Variants in CELSR2 observed in about 807,000 individuals in gnomAD.
CELSR2 encodes EGF-like protein 2.
In CELSR2, 81 loss-of-function variants were observed where a neutral mutation model predicts 251.6. The observed-to-expected ratio is 0.32, with a 90% CI of 0.27 to 0.39. The LOEUF is 0.39. Among genes scored for constraint, CELSR2 ranks in the 10% least tolerant of loss-of-function variants. CELSR2 has a pLI of 1.00. For missense variants in CELSR2, 3,365 were observed against 3,947.7 expected (o/e 0.85, Z 3.96); for synonymous variants, 1,721 against 1,670.5 (o/e 1.03, Z -0.74).
Position 109,268,758 on chromosome 1 carries a change from A to C in CELSR2, c.6496A>C (p.Asn2166His), listed in dbSNP as rs764529081. Residue 2166 changes from asparagine to histidine, a missense_variant, in exon 18 of 34, where the codon AAC becomes CAC. Coordinates refer to ENST00000271332, the MANE Select transcript of CELSR2 (RefSeq NM_001408.3). Reference protein sequence around the residue: ...YLSPFTIVTPNIVISVVRLDK... With the variant: ...YLSPFTIVTPHIVISVVRLDK... Reference sequence around the variant, plus strand: ...AAGCCCCTTCACCATCGTCACGCCCAACATTGGTAAGGCTGGTGCCTGGGT... The same window carrying C: ...AAGCCCCTTCACCATCGTCACGCCCCACATTGGTAAGGCTGGTGCCTGGGT... The C allele has an allele frequency of 6.3e-7, 1 of 1,599,556 alleles. No individual in the cohort carries two copies. The highest frequency in any genetic ancestry group is 8.6e-7 in the Non-Finnish European group (1 of 1,168,866).
Position 109,252,475 on chromosome 1 carries a change from C to T in CELSR2, c.2396C>T (p.Thr799Ile). 1 of 1,613,884 alleles carries T rather than the reference C, an allele frequency of 6.2e-7. No homozygotes were observed. Among genetic ancestry groups the T allele is most frequent in the Non-Finnish European group, 8.5e-7 (1 of 1,180,038 alleles). ...GGCATTCCCCAGAAGTCCGACACCA[C>T]CTACCTGGAGATCCTGGTGAACGAC... ...DNGIPQKSDT[T>I]YLEILVNDVN... is the part of the protein sequence containing the mutation. The change falls in exon 1 of 34, where the codon ACC (threonine) becomes ATC (isoleucine). Residue 799 changes from threonine (T) to isoleucine (I), a missense_variant. This residue lies in a region of CELSR2 where 505 missense variants were observed against 660.0 expected (regional missense o/e 0.77). Coordinates refer to ENST00000271332, the MANE Select transcript of CELSR2 (RefSeq NM_001408.3). The surrounding 1 kb of genome is among the most constrained non-coding windows in gnomAD (Gnocchi z 4.8).
chr1:109,269,305 G>T lies in CELSR2; in HGVS notation c.6812+15G>T. ...CGCAGCTTGAGGTCAGCAGCTAGGG[G>T]ACAGGTGTGGGTAGGGGTATGGGTC... On this transcript the variant is annotated intron_variant, in intron 20 of 33. Coordinates refer to ENST00000271332, the MANE Select transcript of CELSR2 (RefSeq NM_001408.3). The surrounding 1 kb of genome is among the most constrained non-coding windows in gnomAD (Gnocchi z 6.4). 1 of 1,612,892 alleles carries T rather than the reference G, an allele frequency of 6.2e-7. No individual in the cohort carries two copies. Among genetic ancestry groups the T allele is most frequent in the Non-Finnish European group, 8.5e-7 (1 of 1,179,876 alleles).
rs1432681501 is a variant in CELSR2 at position 109,263,242 on chromosome 1, C to G, written c.4809C>G (p.Gly1603=). The G allele has an allele frequency of 6.3e-7, 1 of 1,585,610 alleles. No individual in the cohort carries two copies. The highest frequency in any genetic ancestry group is 1.7e-4 in the Middle Eastern group (1 of 5,964). Residue 1603 remains glycine, a synonymous_variant, in exon 8 of 34, where the codon GGC becomes GGG. Coordinates refer to ENST00000271332, the MANE Select transcript of CELSR2 (RefSeq NM_001408.3). ...CGTTCAGCTGCGAGTGCCCCCTGGG[C>G]TTTGGGGGCAAGAGCTGCGCCCAGG... ...WDAFSCECPL[G]FGGKSCAQEM...
chr1:109,253,819 C>T (rs917096292), intron 1 of CELSR2, among the ~76,000 whole-genome samples: 12 of 152,260 alleles, frequency 7.9e-5, no homozygotes, highest in African/African-American at 2.9e-4. Context: ...TTCCTGCAGT[C>T]TCACACAGCC....
chr1:109,265,581 C>T (rs1201115963), intron 13 of CELSR2, among the ~76,000 whole-genome samples, 154 bp from the exon 14 acceptor site: 3 of 152,204 alleles, frequency 2.0e-5, no homozygotes, highest in Admixed American at 2.0e-4. Context: ...ATGGGCTCAA[C>T]TCCAAAGCAT....
At chr1:109,257,968 C>T (rs1359376582) in intron 1 of CELSR2, among the ~76,000 whole-genome samples, 1 of 152,056 alleles carries the variant, frequency 6.6e-6, no homozygotes, top group Non-Finnish European at 1.5e-5. Flanking sequence ...CTCCCCCCCA[C>T]CCCCGCCAAC....
Position 109,250,642 on chromosome 1 carries a change from C to T in CELSR2, c.563C>T (p.Ala188Val). The change falls in exon 1 of 34, where the codon GCC becomes GTC. Residue 188 changes from alanine to valine, a missense_variant. By Grantham distance (64) the Ala-to-Val change is moderately conservative (BLOSUM62 0). Transcript: ENST00000271332. This position sits in a 1 kb window ranked among gnomAD's most constrained non-coding sequence, Gnocchi z 4.4. The part of the protein sequence containing the change: ...APQFQPPSYQ[A>V]TVPENQPAGT... ...CAGTTCCAGCCCCCCAGCTACCAGG[C>T]CACAGTGCCGGAGAACCAGCCAGCA... is the stretch of plus-strand genomic sequence containing the variant. 6.2e-7 allele frequency: 1 copy of T among 1,614,042 alleles called. No individual in the cohort carries two copies. The highest frequency in any genetic ancestry group is 8.5e-7 in the Non-Finnish European group (1 of 1,180,000).
Position 109,261,497 on chromosome 1 carries a change from C to T in CELSR2, c.4182-16C>T. ...GGGTACCCCATTCCCTGCCCCCATC[C>T]CCAACTCCTGTTCAGGTTTGCCACA... On this transcript the variant is annotated splice_polypyrimidine_tract_variant and intron_variant, in intron 3 of 33. Coordinates refer to ENST00000271332, the MANE Select transcript of CELSR2 (RefSeq NM_001408.3). The surrounding 1 kb of genome is among the most constrained non-coding windows in gnomAD (Gnocchi z 4.8). 1.2e-6 allele frequency: 2 copies of T among 1,611,398 alleles called. 1 individual carries two copies. Among genetic ancestry groups the T allele is most frequent in the South Asian group, 2.2e-5 (2 of 91,032 alleles).
At chr1:109,264,035 T>A (rs1364540935) in intron 9 of CELSR2, 43 bp from the exon 10 acceptor site, 2 of 1,537,974 alleles carry the variant, frequency 1.3e-6, no homozygotes, top group South Asian at 1.2e-5. Context: ...GAACAGTGAT[T>A]AAGGCCGTCT....
At position 109,274,241 on chromosome 1, in the gene CELSR2, T is replaced by C. The variant is rs1051937250; in HGVS notation, c.*192T>C. The C allele has an allele frequency of 1.1e-5, 14 of 1,321,750 alleles. No individual in the cohort carries two copies. Among genetic ancestry groups the C allele is most frequent in the South Asian group, 7.9e-5 (5 of 63,592 alleles). 81.9% of individuals were successfully genotyped at this position (1,321,750 alleles called of 1,614,324 possible). On this transcript the variant is annotated 3_prime_UTR_variant, in exon 34 of 34. Transcript: ENST00000271332. ...CCACCTAAGGCCATCTAGTGCCAAC[T>C]CCCCCCCCACCATTCCCCTCACTGC...
At position 109,274,244 on chromosome 1, in the gene CELSR2, C is replaced by CA; in HGVS notation, c.*195_*196insA. ...CCTAAGGCCATCTAGTGCCAACTCC[C>CA]CCCCCACCATTCCCCTCACTGCACT... On this transcript the variant is annotated 3_prime_UTR_variant, in exon 34 of 34. Transcript: ENST00000271332. The CA allele has an allele frequency of 6.6e-6, 9 of 1,369,190 alleles. No homozygotes were observed. The highest frequency in any genetic ancestry group is 8.7e-6 in the Non-Finnish European group (9 of 1,031,604). 84.8% of individuals were successfully genotyped at this position (1,369,190 alleles called of 1,614,324 possible).
rs761484923 is a variant in CELSR2 at position 109,250,075 on chromosome 1, G to C, written c.-5G>C. On this transcript the variant is annotated 5_prime_UTR_variant, in exon 1 of 34. Transcript: ENST00000271332. The surrounding 1 kb of genome is among the most constrained non-coding windows in gnomAD (Gnocchi z 4.4). ...GACCCGGCCGCCGGCCGGGAGCTGG[G>C]AGAGATGCGGAGCCCGGCCACCGGC... 1.7e-4 allele frequency: 240 copies of C among 1,448,380 alleles called. No homozygotes were observed. Among genetic ancestry groups the C allele is most frequent in the Non-Finnish European group, 2.1e-4 (228 of 1,108,800 alleles). The allele number at this position is 1,448,380 out of a possible 1,614,324, so 89.7% of individuals were successfully genotyped here. A position where few individuals can be genotyped will look rare whatever the true frequency, so the allele number is the denominator to read the frequency against.
chr1:109,267,523 G>C (rs367550489), intron 15 of CELSR2, 25 bp from the exon 16 acceptor site: 1 of 1,608,050 alleles, frequency 6.2e-7, no homozygotes, highest in Non-Finnish European at 8.5e-7. Flanking sequence ...CCCTGAGGCC[G>C]GCCCTTTTGG....
At position 109,251,690 on chromosome 1, in the gene CELSR2, T is replaced by C. The variant is rs1655695009; in HGVS notation, c.1611T>C (p.Asn537=). ...CTATCGACGCTGATGCTGGTGACAA[T>C]GCCCGCCTGGAATACCGCCTTGCTG... ...VQAIDADAGD[N]ARLEYRLAGV... Residue 537 remains asparagine (N), a synonymous_variant, in exon 1 of 34, where the codon AAT becomes AAC. Coordinates refer to ENST00000271332, the MANE Select transcript of CELSR2 (RefSeq NM_001408.3). The surrounding 1 kb of genome is among the most constrained non-coding windows in gnomAD (Gnocchi z 4.9). 1 of 1,613,936 alleles carries C rather than the reference T, an allele frequency of 6.2e-7. No homozygotes were observed. Among genetic ancestry groups the C allele is most frequent in the African/African-American group, 1.3e-5 (1 of 74,882 alleles).
chr1:109,252,149 C>A lies in CELSR2; in HGVS notation c.2070C>A (p.Gly690=), dbSNP rs377305524. 1 of 1,614,046 alleles carries A rather than the reference C, an allele frequency of 6.2e-7. No homozygotes were observed. The highest frequency in any genetic ancestry group is 2.2e-5 in the East Asian group (1 of 44,886). ...TGTTGGCTGTTACCGCCTCCGATGG[C>A]ACTCGGCAGGACACGGCACAGATTG... The part of the protein sequence containing the change: ...QYVLAVTASD[G]TRQDTAQIVV... Residue 690 remains glycine, a synonymous_variant, in exon 1 of 34, where the codon GGC becomes GGA. Transcript: ENST00000271332. This position sits in a 1 kb window ranked among gnomAD's most constrained non-coding sequence, Gnocchi z 4.8.
chr1:109,252,694 T>C lies in CELSR2; in HGVS notation c.2615T>C (p.Ile872Thr). The C allele has an allele frequency of 6.2e-7, 1 of 1,614,000 alleles. No individual in the cohort carries two copies. The highest frequency in any genetic ancestry group is 2.2e-5 in the East Asian group (1 of 44,888). Residue 872 changes from isoleucine (I) to threonine (T), a missense_variant, in exon 1 of 34, where the codon ATC (isoleucine) becomes ACC (threonine). Physicochemically the swap from Ile to Thr is moderately conservative, Grantham distance 89. Transcript: ENST00000271332. The surrounding 1 kb of genome is among the most constrained non-coding windows in gnomAD (Gnocchi z 4.8). ...TTTATTGTTGAGTCCACGTCAGGCA[T>C]CGTGCGAACGCTACGGAGGCTGGAT... ...GDFIVESTSG[I>T]VRTLRRLDRE... is the part of the protein sequence containing the mutation.
rs1047956409 is a variant in CELSR2, at chr1:109,269,498, G to A, written c.6887G>A (p.Arg2296Gln). The A allele has an allele frequency of 5.7e-5, 92 of 1,613,928 alleles. No homozygotes were observed. The highest frequency in any genetic ancestry group is 8.0e-5 in the African/African-American group (6 of 74,904). The change falls in exon 21 of 34, where the codon CGG (arginine) becomes CAG (glutamine). Residue 2296 changes from arginine (R) to glutamine (Q), a missense_variant. This residue lies in a region of CELSR2 where 2,093 missense variants were observed against 2,382.8 expected (regional missense o/e 0.88). Coordinates refer to ENST00000271332, the MANE Select transcript of CELSR2 (RefSeq NM_001408.3). This position sits in a 1 kb window ranked among gnomAD's most constrained non-coding sequence, Gnocchi z 6.4. ...SVHDDEELLP[R>Q]ALDKPVTVQF... is the part of the protein sequence containing the mutation. ...CATGATGATGAGGAGCTTCTGCCCCGGGCCCTGGACAAACCCGTCACGGTG... is the reference window on the plus strand; with the variant it reads ...CATGATGATGAGGAGCTTCTGCCCCAGGCCCTGGACAAACCCGTCACGGTG...
In CELSR2 at chr1:109,271,672, C is replaced by T. The variant is rs201869358; in HGVS notation, c.7876C>T (p.Arg2626Cys). The T allele has an allele frequency of 1.2e-4, 190 of 1,614,022 alleles. 1 individual carries two copies. The East Asian group carries it at 2.7e-3, about 23-fold the overall frequency. Residue 2626 changes from arginine to cysteine, a missense_variant, in exon 28 of 34, where the codon CGC becomes TGC. Coordinates refer to ENST00000271332, the MANE Select transcript of CELSR2 (RefSeq NM_001408.3). Reference sequence around the variant, plus strand: ...GAAAGCACTCAAGCTTGCCTGCAGCCGCAAGCCCAGCCCTGACCCTGCTCT... The same window carrying T: ...GAAAGCACTCAAGCTTGCCTGCAGCTGCAAGCCCAGCCCTGACCCTGCTCT... ...VRKALKLACS[R>C]KPSPDPALTT...
chr1:109,273,453 T>G lies in CELSR2; in HGVS notation c.8527T>G (p.Cys2843Gly). The G allele has an allele frequency of 6.2e-7, 1 of 1,612,098 alleles. No individual in the cohort carries two copies. The highest frequency in any genetic ancestry group is 8.5e-7 in the Non-Finnish European group (1 of 1,179,368). ...GCCCACAGGCATCCTTAAGAAGAAG[T>G]GTCTGCCCACCATCAGCGAGAAGAG... is the stretch of plus-strand genomic sequence containing the variant. ...QPHKGILKKKCLPTISEKSSL... is the reference protein window; with the variant it reads ...QPHKGILKKKGLPTISEKSSL... Residue 2843 changes from cysteine (C) to glycine (G), a missense_variant, in exon 33 of 34, where the codon TGT (cysteine) becomes GGT (glycine). Transcript: ENST00000271332.
Sources: allele counts gnomAD v4.1 joint callset (sites outside exome capture counted in the v4.1 genomes callset), GRCh38; gene constraint gnomAD v4.1.1; regional missense constraint gnomAD v4.1.1; non-coding constraint Gnocchi (gnomAD v3.1); transcripts MANE v1.5; gene names NCBI Gene and HGNC (gene_info 2026-07-23, HGNC 2026-07-21).